Variants in TRAPPC9 observed in about 807,000 individuals in gnomAD.
TRAPPC9 encodes the protein trafficking protein particle complex subunit 9, also known as IKK2 binding protein.
In TRAPPC9, 83 loss-of-function variants were observed where a neutral mutation model predicts 124.0. The observed-to-expected ratio is 0.67, with a 90% CI of 0.56 to 0.80. The LOEUF (loss-of-function observed/expected upper bound fraction) is 0.80, where lower values mean the gene tolerates loss of function less well. TRAPPC9 is among the 30% of genes least tolerant of loss of function. The pLI is 0.00. For synonymous variants in TRAPPC9, 638 were observed against 617.5 expected (o/e 1.03, Z -0.49); for missense variants, 1,302 against 1,508.3 (o/e 0.86, Z 2.27).
rs1554608008 is a variant in TRAPPC9 at position 140,018,324 on chromosome 8, A to ATTTTTTT, written c.2699+5606_2699+5612dup. 1.3e-3 allele frequency among the ~76,000 whole-genome samples: 159 copies of ATTTTTTT among 119,776 alleles called. 22 individuals are homozygous for ATTTTTTT. Among genetic ancestry groups the ATTTTTTT allele is most frequent in the African/African-American group, 5.0e-3 (154 of 30,686 alleles). 78.6% of individuals were successfully genotyped at this position (119,776 alleles called of 152,430 possible). A position where few individuals can be genotyped will look rare whatever the true frequency, so the allele number is the denominator to read the frequency against. On this transcript the variant is annotated intron_variant, in intron 18 of 22. Transcript: ENST00000438773. ...TTGCTGGTATATAGAAACGTAAGTGATTTTTTTTTTTTTTTTTGAGACGGA... is the reference window on the plus strand; with the variant it reads ...TTGCTGGTATATAGAAACGTAAGTGATTTTTTTTTTTTTTTTTTTTTTTTGAGACGGA...
intron 17 of TRAPPC9, among the ~76,000 whole-genome samples, chr8:140,191,465 G>A (rs757725959): frequency 5.7e-4 from 87 of 152,132 alleles, no homozygotes; most frequent in Non-Finnish European, 1.1e-3. Context: ...ATGACTCGGC[G>A]CCATCCCTTT....
chr8:139,914,439 A>T (rs1831970476), intron 19 of TRAPPC9, among the ~76,000 whole-genome samples: 1 of 152,230 alleles, frequency 6.6e-6, no homozygotes, highest in Non-Finnish European at 1.5e-5. Context: ...TGTAGCTGGC[A>T]GTGGCCTGTC....
chr8:140,452,625 C>T (rs115784649), intron 1 of TRAPPC9, among the ~76,000 whole-genome samples: 3 of 151,984 alleles, frequency 2.0e-5, no homozygotes, highest in East Asian at 3.9e-4. Context: ...AAAAAGAAAA[C>T]GTTATTACCT....
intron 5 of TRAPPC9, among the ~76,000 whole-genome samples, chr8:140,418,101 A>C (rs2070008737): frequency 6.6e-6 from 1 of 152,186 alleles, no homozygotes; most frequent in African/African-American, 2.4e-5. Flanking sequence ...TAGGAGAAAT[A>C]CTTAATGTAG....
intron 19 of TRAPPC9, chr8:139,932,326 A>T (rs778452712): frequency 2.0e-5 from 9 of 457,340 alleles, no homozygotes; most frequent in South Asian, 1.4e-4. Flanking sequence ...AGGCTTGGCC[A>T]CAGGTCCTTG....
At chr8:139,940,959 G>A (rs915413196) in intron 19 of TRAPPC9, among the ~76,000 whole-genome samples, 1 of 152,178 alleles carries the variant, frequency 6.6e-6, no homozygotes, top group African/African-American at 2.4e-5. Flanking sequence ...TGCATAAGCC[G>A]GGCACCCACA....
At chr8:140,289,351 G>A (rs1290288441) in intron 12 of TRAPPC9, among the ~76,000 whole-genome samples, 2 of 152,152 alleles carry the variant, frequency 1.3e-5, no homozygotes, top group Non-Finnish European at 2.9e-5. Context: ...TGATCTATGT[G>A]TGGAACAGAT....
intron 21 of TRAPPC9, among the ~76,000 whole-genome samples, chr8:139,844,112 T>A (rs1050032524): frequency 1.3e-5 from 2 of 152,168 alleles, no homozygotes; most frequent in African/African-American, 4.8e-5. Flanking sequence ...AGCAGGTGAC[T>A]ATGCTCACCC....
intron 17 of TRAPPC9, among the ~76,000 whole-genome samples, chr8:140,144,785 C>G (rs1431217586): frequency 1.3e-5 from 2 of 151,914 alleles, no homozygotes; most frequent in African/African-American, 2.4e-5. Flanking sequence ...CCGCACCCAG[C>G]TTTAATTGTA....
chr8:140,452,704 C>G (rs2071510410), intron 1 of TRAPPC9, among the ~76,000 whole-genome samples: 1 of 152,138 alleles, frequency 6.6e-6, no homozygotes, highest in Admixed American at 6.5e-5. Flanking sequence ...ATAGGAGATC[C>G]TCAATACATG....
chr8:140,037,251 T>C (rs1464069492), intron 17 of TRAPPC9, among the ~76,000 whole-genome samples: 1 of 151,994 alleles, frequency 6.6e-6, no homozygotes, highest in African/African-American at 2.4e-5. Flanking sequence ...AGCTTTCACA[T>C]CTGGGTTATC....
chr8:139,757,210 G>GA (rs1554638312), intron 21 of TRAPPC9, among the ~76,000 whole-genome samples: 7 of 110,284 alleles, frequency 6.3e-5, no homozygotes, highest in African/African-American at 1.9e-4. Flanking sequence ...AGGAGCCAGG[G>GA]TTGGGGATGA....
chr8:140,309,055 C>A (rs1214360659), intron 10 of TRAPPC9, among the ~76,000 whole-genome samples: 1 of 152,054 alleles, frequency 6.6e-6, no homozygotes, highest in African/African-American at 2.4e-5. Flanking sequence ...ACAGAAGGTT[C>A]GGAAAACAGC....
At chr8:139,767,397 A>G (rs1820649081) in intron 21 of TRAPPC9, among the ~76,000 whole-genome samples, 1 of 152,234 alleles carries the variant, frequency 6.6e-6, no homozygotes. Context: ...TGACACCAAC[A>G]GGATGGCTGT....
intron 21 of TRAPPC9, among the ~76,000 whole-genome samples, chr8:139,771,282 A>G: frequency 6.6e-6 from 1 of 152,140 alleles, no homozygotes; most frequent in South Asian, 2.1e-4. Context: ...GTCCCATCTC[A>G]GAGAACGGTG....
At chr8:139,777,590 A>G (rs1159253663) in intron 21 of TRAPPC9, among the ~76,000 whole-genome samples, 1 of 152,232 alleles carries the variant, frequency 6.6e-6, no homozygotes, top group African/African-American at 2.4e-5. Context: ...TGGCCATGAG[A>G]CTTCTTACAT....
chr8:139,892,810 G>A (rs527243685), intron 20 of TRAPPC9, among the ~76,000 whole-genome samples: 1 of 152,282 alleles, frequency 6.6e-6, no homozygotes, highest in Admixed American at 6.5e-5. Flanking sequence ...CTATACCATG[G>A]TGTGGGCATC....
At chr8:140,297,463 T>C (rs750382848) in intron 11 of TRAPPC9, among the ~76,000 whole-genome samples, 2 of 152,124 alleles carry the variant, frequency 1.3e-5, no homozygotes, top group Non-Finnish European at 2.9e-5. Flanking sequence ...ACACAAATTC[T>C]AGAGTAGATT....
At chr8:140,064,685 G>A (rs1340598398) in intron 17 of TRAPPC9, among the ~76,000 whole-genome samples, 1 of 152,182 alleles carries the variant, frequency 6.6e-6, no homozygotes, top group Non-Finnish European at 1.5e-5. Context: ...TCAGATTCTT[G>A]TCCTGGGAAT....
Sources: gnomAD v4.1 joint callset for allele counts (sites outside exome capture counted in the v4.1 genomes callset) on GRCh38, gnomAD v4.1.1 for gene constraint, MANE v1.5 for transcripts, NCBI Gene and HGNC (gene_info 2026-07-23, HGNC 2026-07-21) for gene names.